The following DCAF6 variants were observed in gnomAD, a reference collection of about 807,000 sequenced individuals.
The protein encoded by DCAF6 is DDB1 and CUL4 associated factor 6, also known as DDB1- and CUL4-associated factor 6.
DCAF6 carries 54 observed loss-of-function variants against 125.1 expected under a neutral mutation model. The observed-to-expected ratio is 0.43, with a 90% CI of 0.35 to 0.54. DCAF6 has a LOEUF of 0.54. Among genes scored for constraint, DCAF6 ranks in the 20% least tolerant of loss-of-function variants. The pLI is 0.01. For synonymous variants in DCAF6, 371 were observed against 390.4 expected (o/e 0.95, Z 0.58); for missense variants, 934 against 1,161.7 (o/e 0.80, Z 2.85).
chr1:167,902,834 A>G, the DCAF6 span, among the ~76,000 whole-genome samples: 1 of 152,224 alleles, frequency 6.6e-6, no homozygotes, highest in Admixed American at 6.5e-5. Context: ...TTTTCAGTTC[A>G]CTCTAAGTGC....
intron 12 of DCAF6, among the ~76,000 whole-genome samples, chr1:168,037,569 CTT>C (rs936486989): frequency 1.3e-5 from 2 of 150,968 alleles, no homozygotes; most frequent in Admixed American, 1.3e-4. Context: ...TCCATGTACT[CTT>C]TTTTTTTGGC....
chr1:167,920,377 C>T, the DCAF6 span, among the ~76,000 whole-genome samples: 1 of 152,160 alleles, frequency 6.6e-6, no homozygotes, highest in African/African-American at 2.4e-5. Context: ...GATACTTATT[C>T]TTTCTGTGAC....
the DCAF6 span, among the ~76,000 whole-genome samples, chr1:167,928,881 TCTC>T: frequency 6.6e-6 from 1 of 152,008 alleles, no homozygotes; most frequent in African/African-American, 2.4e-5. Flanking sequence ...TGAAGAAAAA[TCTC>T]CTCATAAGAC....
At chr1:167,935,063 GA>G (rs1243916562), upstream of DCAF6, among the ~76,000 whole-genome samples, 1 of 152,110 alleles carries the variant, frequency 6.6e-6, no homozygotes, top group Non-Finnish European at 1.5e-5. Flanking sequence ...TACACAAACA[GA>G]GATCTAGGCT....
chr1:167,988,220 G>C (rs1243697977), intron 5 of DCAF6, among the ~76,000 whole-genome samples: 1 of 152,074 alleles, frequency 6.6e-6, no homozygotes, highest in Non-Finnish European at 1.5e-5. Context: ...GAGTGCAGTG[G>C]TGCAATCCTA....
intron 12 of DCAF6, among the ~76,000 whole-genome samples, chr1:168,026,469 T>A (rs1415371674): frequency 6.6e-6 from 1 of 152,112 alleles, no homozygotes; most frequent in Non-Finnish European, 1.5e-5. Flanking sequence ...AAGAGGCCAT[T>A]GCTATAGTCC....
At chr1:168,027,925 C>T (rs541953629) in intron 12 of DCAF6, among the ~76,000 whole-genome samples, 3 of 152,004 alleles carry the variant, frequency 2.0e-5, no homozygotes, top group Non-Finnish European at 4.4e-5. Context: ...TTTTAAGAAA[C>T]AAAATTGTAG....
intron 7 of DCAF6, among the ~76,000 whole-genome samples, chr1:168,001,098 C>G (rs1169617780): frequency 6.6e-6 from 1 of 152,034 alleles, no homozygotes; most frequent in African/African-American, 2.4e-5. Flanking sequence ...GCCAGGAGTT[C>G]AAGACCAACC....
chr1:167,971,823 A>G (rs1299925677), intron 3 of DCAF6, among the ~76,000 whole-genome samples: 4 of 152,192 alleles, frequency 2.6e-5, no homozygotes, highest in African/African-American at 4.8e-5. Flanking sequence ...ACAACTAAGA[A>G]GATAAATCCA....
In DCAF6 at chr1:168,004,012, G is replaced by A. The variant is rs56104264; in HGVS notation, c.1117+23G>A. On this transcript the variant is annotated intron_variant, in intron 9 of 21. Transcript: ENST00000367840. ...GAGGTAATTTTTAATGTTAATTAAAGTCATCAGAAAGCTGGCAAAAACTAC... is the reference window on the plus strand; with the variant it reads ...GAGGTAATTTTTAATGTTAATTAAAATCATCAGAAAGCTGGCAAAAACTAC... 2.0e-3 allele frequency: 3,181 copies of A among 1,604,580 alleles called. 66 individuals are homozygous for A. In the African/African-American group the frequency reaches 0.037, roughly 19 times the overall value.
intron 2 of DCAF6, among the ~76,000 whole-genome samples, chr1:167,963,195 C>T (rs753207636): frequency 2.6e-5 from 4 of 151,622 alleles, no homozygotes; most frequent in African/African-American, 9.7e-5. Flanking sequence ...ACTCAGGAGG[C>T]GGAGGTTGTA....
At chr1:167,980,412 C>T (rs963288900) in intron 4 of DCAF6, among the ~76,000 whole-genome samples, 2 of 149,012 alleles carry the variant, frequency 1.3e-5, no homozygotes, top group African/African-American at 5.2e-5. Context: ...TTTTCCATAG[C>T]AGCTCCACTA....
intron 12 of DCAF6, among the ~76,000 whole-genome samples, chr1:168,030,998 G>C (rs1053670619): frequency 6.6e-6 from 1 of 152,050 alleles, no homozygotes; most frequent in Non-Finnish European, 1.5e-5. Flanking sequence ...TCATGAACTC[G>C]GTTTTGAATA....
intron 17 of DCAF6, among the ~76,000 whole-genome samples, chr1:168,057,142 C>A (rs1690975725): frequency 6.6e-6 from 1 of 152,166 alleles, no homozygotes; most frequent in African/African-American, 2.4e-5. Context: ...TTTAATAATA[C>A]CTATAATATC....
At chr1:167,912,229 C>T in the DCAF6 span, among the ~76,000 whole-genome samples, 1 of 152,054 alleles carries the variant, frequency 6.6e-6, no homozygotes, top group Admixed American at 6.5e-5. Context: ...GAAAAGGGGT[C>T]CTTGGGAAAT....
At chr1:167,880,238 G>A in the DCAF6 span, 9 of 1,504,860 alleles carry the variant, frequency 6.0e-6, no homozygotes, top group Non-Finnish European at 7.4e-6. Flanking sequence ...TAAAGATAAT[G>A]AGCGTAGAGA....
intron 11 of DCAF6, 114 bp downstream of exon 11, chr1:168,016,065 C>G: frequency 1.1e-6 from 1 of 872,428 alleles, no homozygotes; most frequent in Non-Finnish European, 1.5e-6. Flanking sequence ...GCGCTTGCAG[C>G]TTACCCCTCC....
At chr1:168,005,103 A>C (rs1683168857) in intron 10 of DCAF6, among the ~76,000 whole-genome samples, 1 of 152,178 alleles carries the variant, frequency 6.6e-6, no homozygotes, top group African/African-American at 2.4e-5. Flanking sequence ...ATTAGAGACC[A>C]AAATATCTTT....
rs79176981 is a variant in DCAF6, at chr1:168,017,933, C to A, written c.1549+1982C>A. Among the ~76,000 whole-genome samples, 1,219 of 152,134 alleles carry A rather than the reference C, an allele frequency of 8.0e-3. 13 individuals carry two copies. Among genetic ancestry groups the A allele is most frequent in the African/African-American group, 0.027 (1,128 of 41,512 alleles). On this transcript the variant is annotated intron_variant, in intron 11 of 21. Coordinates refer to ENST00000367840, the MANE Select transcript of DCAF6 (RefSeq NM_001198956.2). ...AAAACATATTTCTGTTGTCTTCTCA[C>A]CTATTTAAGTGTTTTAGCTATAAGA...
Sources: allele counts gnomAD v4.1 joint callset (sites outside exome capture counted in the v4.1 genomes callset), GRCh38; gene constraint gnomAD v4.1.1; transcripts MANE v1.5; gene names NCBI Gene and HGNC (gene_info 2026-07-23, HGNC 2026-07-21).